Variants in CSMD2 observed in about 807,000 individuals in gnomAD.
CSMD2 encodes CUB and Sushi multiple domains 2.
A neutral mutation model predicts 398.5 loss-of-function variants in CSMD2; 130 were observed. The observed-to-expected ratio is 0.33, with a 90% CI of 0.28 to 0.38. The LOEUF (loss-of-function observed/expected upper bound fraction) is 0.38. CSMD2 is among the 10% of genes least tolerant of loss of function. The pLI, the probability that CSMD2 is intolerant of heterozygous loss-of-function variation, is 1.00. For missense variants in CSMD2, 3,829 were observed against 4,764.9 expected (o/e 0.80, Z 5.78); for synonymous variants, 1,828 against 1,908.5 (o/e 0.96, Z 1.10).
intron 39 of CSMD2, among the ~76,000 whole-genome samples, chr1:33,616,319 C>T (rs1436068113): frequency 6.6e-6 from 1 of 152,028 alleles, no homozygotes; most frequent in Non-Finnish European, 1.5e-5. Context: ...CTCACTGCAA[C>T]CTCCGCCTCC....
At chr1:33,719,620 TAGG>T (rs1390017270) in intron 19 of CSMD2, among the ~76,000 whole-genome samples, 1 of 152,020 alleles carries the variant, frequency 6.6e-6, no homozygotes, top group Non-Finnish European at 1.5e-5. Flanking sequence ...CAATACCACA[TAGG>T]AGCAGAAAGA....
intron 4 of CSMD2, among the ~76,000 whole-genome samples, chr1:33,933,177 G>A (rs1644365092): frequency 6.6e-6 from 1 of 152,194 alleles, no homozygotes; most frequent in African/African-American, 2.4e-5. Flanking sequence ...TTGTTGGCTT[G>A]TATTTTGTCT....
chr1:33,544,955 G>C (rs1327026076), intron 57 of CSMD2, among the ~76,000 whole-genome samples: 1 of 151,854 alleles, frequency 6.6e-6, no homozygotes, highest in African/African-American at 2.4e-5. Flanking sequence ...CCAATGCACT[G>C]TCTGCTCTGT....
intron 6 of CSMD2, among the ~76,000 whole-genome samples, chr1:33,845,115 G>A (rs1041560613): frequency 2.0e-5 from 3 of 152,052 alleles, no homozygotes; most frequent in Non-Finnish European, 4.4e-5. Context: ...GGTGGGATGA[G>A]CAAAACAAAG....
chr1:33,803,278 ATGT>A (rs1471142395), intron 10 of CSMD2, among the ~76,000 whole-genome samples: 1 of 152,164 alleles, frequency 6.6e-6, no homozygotes, highest in South Asian at 2.1e-4. Flanking sequence ...TTTCCAAGAA[ATGT>A]TGTCCATTCC....
At chr1:33,634,895 G>A (rs1039585805) in intron 31 of CSMD2, among the ~76,000 whole-genome samples, 13 of 151,996 alleles carry the variant, frequency 8.6e-5, no homozygotes, top group Non-Finnish European at 1.3e-4. Context: ...CTAGATCTGC[G>A]GCACCTCCCT....
intron 47 of CSMD2, among the ~76,000 whole-genome samples, chr1:33,582,142 G>A (rs1233689455): frequency 6.6e-6 from 1 of 152,164 alleles, no homozygotes; most frequent in Non-Finnish European, 1.5e-5. Context: ...GATGGGGAGA[G>A]ACACTGGGCT....
chr1:33,688,755 G>A (rs1333845455), intron 25 of CSMD2, among the ~76,000 whole-genome samples: 2 of 152,146 alleles, frequency 1.3e-5, no homozygotes, highest in African/African-American at 4.8e-5. Flanking sequence ...GGTAGGGGTT[G>A]CAGTGAGCTG....
chr1:33,773,326 T>C (rs1163658870), intron 12 of CSMD2, among the ~76,000 whole-genome samples: 1 of 152,262 alleles, frequency 6.6e-6, no homozygotes, highest in Non-Finnish European at 1.5e-5. Flanking sequence ...TGCCTGCTGA[T>C]GTGGAAGAAC....
intron 3 of CSMD2, among the ~76,000 whole-genome samples, chr1:33,989,600 G>T (rs1646480042): frequency 1.3e-5 from 2 of 152,080 alleles, no homozygotes; most frequent in Non-Finnish European, 2.9e-5. Context: ...ATATTTGGAT[G>T]GATAAAGAAA....
intron 53 of CSMD2, among the ~76,000 whole-genome samples, chr1:33,562,048 T>C (rs1292941248): frequency 1.3e-5 from 2 of 151,640 alleles, no homozygotes; most frequent in East Asian, 3.9e-4. Context: ...TGAGGAGTGA[T>C]CAAAAAAGTA....
At chr1:33,809,603 A>G (rs1400817074) in intron 10 of CSMD2, among the ~76,000 whole-genome samples, 2 of 152,098 alleles carry the variant, frequency 1.3e-5, no homozygotes, top group African/African-American at 4.8e-5. Flanking sequence ...AAAACATTCT[A>G]TTAAATATCA....
intron 57 of CSMD2, 146 bp downstream of exon 57, chr1:33,545,891 C>T (rs1431672512): frequency 1.5e-6 from 1 of 647,050 alleles, no homozygotes; most frequent in Non-Finnish European, 2.7e-6. Context: ...CATGAATTAT[C>T]TGTTGCAGTC....
chr1:33,536,936 T>C (rs963992437), intron 62 of CSMD2, 86 bp downstream of exon 62: 1 of 1,329,168 alleles, frequency 7.5e-7, no homozygotes, highest in African/African-American at 1.4e-5. Flanking sequence ...AGTGCTGTCC[T>C]GAGGAAGGTC....
At chr1:34,135,268 A>T (rs1638613893) in intron 1 of CSMD2, among the ~76,000 whole-genome samples, 1 of 148,522 alleles carries the variant, frequency 6.7e-6, no homozygotes, top group African/African-American at 2.6e-5. Flanking sequence ...ACACACACAC[A>T]CACACACACA....
intron 5 of CSMD2, among the ~76,000 whole-genome samples, chr1:33,915,511 T>C (rs549993439): frequency 6.6e-6 from 1 of 152,190 alleles, no homozygotes; most frequent in Admixed American, 6.5e-5. Context: ...CCCTAATAAT[T>C]TCCTCTGCTT....
intron 26 of CSMD2, among the ~76,000 whole-genome samples, chr1:33,661,691 A>T (rs868171978): frequency 1.3e-5 from 2 of 152,248 alleles, no homozygotes; most frequent in Non-Finnish European, 2.9e-5. Flanking sequence ...AGTATAAAGC[A>T]ATGTGATCCT....
At chr1:33,975,748 G>T (rs541041407) in intron 3 of CSMD2, among the ~76,000 whole-genome samples, 1 of 152,166 alleles carries the variant, frequency 6.6e-6, no homozygotes, top group African/African-American at 2.4e-5. Context: ...CTCCACTGAC[G>T]CTCCAGTGGC....
chr1:34,035,084 A>G (rs1236665898), intron 2 of CSMD2, among the ~76,000 whole-genome samples: 2 of 152,214 alleles, frequency 1.3e-5, no homozygotes, highest in Non-Finnish European at 2.9e-5. Flanking sequence ...AGGAAATACT[A>G]CAAATTACAC....
Sources: gnomAD v4.1 joint callset for allele counts (sites outside exome capture counted in the v4.1 genomes callset) on GRCh38, gnomAD v4.1.1 for gene constraint, MANE v1.5 for transcripts, NCBI Gene and HGNC (gene_info 2026-07-23, HGNC 2026-07-21) for gene names.